The following FSTL3 variants were observed in gnomAD, a reference collection of about 807,000 sequenced individuals.
FSTL3 encodes follistatin like 3.
Under a neutral mutation model 28.1 loss-of-function variants are expected in FSTL3, and 21 were observed. The observed-to-expected ratio is 0.75, with a 90% CI of 0.53 to 1.08. The LOEUF is 1.08. FSTL3 is among the 50% of genes least tolerant of loss of function. The pLI is 0.00. For missense variants in FSTL3, 400 were observed against 380.9 expected, an observed-to-expected ratio of 1.05 and a Z score of -0.42; for synonymous variants, 199 against 164.2, an observed-to-expected ratio of 1.21 and a Z score of -1.62.
intron 2 of FSTL3, among the ~76,000 whole-genome samples, chr19:678,346 C>A (rs1323443944): frequency 6.6e-6 from 1 of 152,186 alleles, no homozygotes; most frequent in East Asian, 1.9e-4. Flanking sequence ...ACTGCAGACT[C>A]CAGGGTCTGC....
rs963150800 is a variant in FSTL3 at position 682,617 on chromosome 19, A to C, written c.*909A>C. 2.1e-5 allele frequency: 5 copies of C among 233,410 alleles called. No individual in the cohort carries two copies. The highest frequency in any genetic ancestry group is 4.2e-5 in the Non-Finnish European group (5 of 118,160). 14.5% of individuals were successfully genotyped at this position (233,410 alleles called of 1,614,324 possible). On this transcript the variant is annotated 3_prime_UTR_variant, in exon 5 of 5. Transcript: ENST00000166139. The stretch of plus-strand genomic sequence containing the variant: ...GAAATGCCCAGTGTGCCCCCTGGGA[A>C]AGGGCACGGCCTGTGCTCCTGACAC...
Position 681,326 on chromosome 19 carries a change from C to G in FSTL3, c.506-7C>G. On this transcript the variant is annotated splice_polypyrimidine_tract_variant and splice_region_variant and intron_variant, in intron 3 of 4. Coordinates refer to ENST00000166139, the MANE Select transcript of FSTL3 (RefSeq NM_005860.3). ...CCCCTGAACTTCCCCTGGCACCCGG[C>G]CTGCAGAGTCCTGTGAGCACGTGGT... The G allele has an allele frequency of 6.5e-7, 1 of 1,545,320 alleles. No individual in the cohort carries two copies. The highest frequency in any genetic ancestry group is 8.7e-7 in the Non-Finnish European group (1 of 1,150,242).
At chr19:678,131 G>A (rs550578063) in intron 2 of FSTL3, 154 bp downstream of exon 2, 78 of 677,758 alleles carry the variant, frequency 1.2e-4, no homozygotes, top group Non-Finnish European at 1.8e-4. Context: ...AGGGACTGGG[G>A]GGACTTCCCG....
At chr19:677,676 T>G in intron 1 of FSTL3, 116 bp from the exon 2 acceptor site, 3 of 1,015,556 alleles carry the variant, frequency 3.0e-6, no homozygotes, top group Middle Eastern at 3.2e-4. Flanking sequence ...TCTTCCTGGG[T>G]GGGGGTAGAT....
At position 681,470 on chromosome 19, in the gene FSTL3, A is replaced by C; in HGVS notation, c.643A>C (p.Asn215His). The change falls in exon 4 of 5, where the codon AAC (asparagine) becomes CAC (histidine). Residue 215 changes from asparagine (N) to histidine (H), a missense_variant. By Grantham distance (68) the Asn-to-His change is moderately conservative. Transcript: ENST00000166139. ...SPGQELCGNN[N>H]VTYISSCHMR... The stretch of plus-strand genomic sequence containing the variant: ...CGGCCAGGAGCTTTGCGGCAACAAC[A>C]ACGTCACCTACATCTCCTCGTGCCA... 1.9e-6 allele frequency: 3 copies of C among 1,601,678 alleles called. No homozygotes were observed. The highest frequency in any genetic ancestry group is 2.5e-6 in the Non-Finnish European group (3 of 1,179,658).
intron 2 of FSTL3, among the ~76,000 whole-genome samples, chr19:678,499 GTT>G (rs746126061): frequency 3.3e-5 from 3 of 91,202 alleles, no homozygotes; most frequent in African/African-American, 1.1e-4. Context: ...GAGGATGATG[GTT>G]TTTTTTTTTT....
intron 2 of FSTL3, among the ~76,000 whole-genome samples, chr19:679,387 C>G (rs554822946): frequency 8.5e-5 from 13 of 152,272 alleles, no homozygotes; most frequent in Admixed American, 4.6e-4. Flanking sequence ...AGTGGGGCTC[C>G]CTCGTCAGCC....
chr19:679,808 C>T (rs2031286498), intron 2 of FSTL3, among the ~76,000 whole-genome samples: 1 of 152,160 alleles, frequency 6.6e-6, no homozygotes, highest in Admixed American at 6.5e-5. Context: ...CCGCCCTCCC[C>T]GACGCCTCCT....
chr19:677,247 A>G (rs1402170533), intron 1 of FSTL3, among the ~76,000 whole-genome samples: 3 of 148,132 alleles, frequency 2.0e-5, no homozygotes, highest in South Asian at 2.2e-4. Context: ...CGCCAAAGGG[A>G]GAGCAGAGCC....
At position 682,442 on chromosome 19, in the gene FSTL3, G is replaced by A. The variant is rs140848095; in HGVS notation, c.*734G>A. 1,183 of 235,208 alleles carry A rather than the reference G, an allele frequency of 5.0e-3. 6 individuals are homozygous for A. The highest frequency in any genetic ancestry group is 0.013 in the Middle Eastern group (10 of 792). 14.6% of individuals were successfully genotyped at this position (235,208 alleles called of 1,614,324 possible). A position where few individuals can be genotyped will look rare whatever the true frequency, so the allele number is the denominator to read the frequency against. On this transcript the variant is annotated 3_prime_UTR_variant, in exon 5 of 5. Coordinates refer to ENST00000166139, the MANE Select transcript of FSTL3 (RefSeq NM_005860.3). Reference sequence around the variant, plus strand: ...TGTACGGAGGGTCTAGTCTGAGTGCGTGTGGGGACCTCAGAACACTGTGAC... The same window carrying A: ...TGTACGGAGGGTCTAGTCTGAGTGCATGTGGGGACCTCAGAACACTGTGAC...
chr19:679,836 G>A (rs1568203049), intron 2 of FSTL3, among the ~76,000 whole-genome samples: 1 of 152,174 alleles, frequency 6.6e-6, no homozygotes, highest in Non-Finnish European at 1.5e-5. Flanking sequence ...GGTCCTGGCA[G>A]CCCCAGACTC....
intron 2 of FSTL3, chr19:678,205 G>A (rs1786166864): frequency 1.8e-6 from 1 of 546,490 alleles, no homozygotes; most frequent in African/African-American, 1.9e-5. Context: ...TCCAGCCTTT[G>A]CTGGGGCTGA....
chr19:676,607 GGGCGC>G (rs1404423439), intron 1 of FSTL3, 81 bp downstream of exon 1: 1 of 449,194 alleles, frequency 2.2e-6, no homozygotes, highest in East Asian at 5.1e-5. Flanking sequence ...GGACGTCGGG[GGGCGC>G]GGCGGCGGCG....
At chr19:683,383 C>CAAAG (rs33916887) in exon 5 of FSTL3, 160,455 of 208,670 alleles carry the variant, frequency 0.77, 62,619 homozygotes, top group African/African-American at 0.83. Context: ...AATAAAGACT[C>CAAAG]AAGCCATTTT....
At chr19:676,721 C>T (rs2031218541) in intron 1 of FSTL3, among the ~76,000 whole-genome samples, 195 bp downstream of exon 1, 1 of 152,148 alleles carries the variant, frequency 6.6e-6, no homozygotes, top group African/African-American at 2.4e-5. Flanking sequence ...ATCACAATGA[C>T]CGCTGACATT....
Position 681,715 on chromosome 19 carries a change from A to C in FSTL3, c.*7A>C. On this transcript the variant is annotated 3_prime_UTR_variant, in exon 5 of 5. Coordinates refer to ENST00000166139, the MANE Select transcript of FSTL3 (RefSeq NM_005860.3). ...GGAAGAGAACTTCGTGTGAGCCTGC[A>C]GGACAGGCCTGGGCCTGGTGCCCGA... 6.4e-7 allele frequency: 1 copy of C among 1,553,458 alleles called. No individual in the cohort carries two copies. The highest frequency in any genetic ancestry group is 8.7e-7 in the Non-Finnish European group (1 of 1,149,216).
At chr19:680,188 G>C in intron 2 of FSTL3, 86 bp from the exon 3 acceptor site, 1 of 813,788 alleles carries the variant, frequency 1.2e-6, no homozygotes, top group Non-Finnish European at 1.7e-6. Flanking sequence ...CAGAAGGGGC[G>C]CAGGGAGGGG....
chr19:676,787 T>C (rs2031220213), intron 1 of FSTL3, among the ~76,000 whole-genome samples: 2 of 152,182 alleles, frequency 1.3e-5, no homozygotes, highest in South Asian at 4.1e-4. Flanking sequence ...ATCCCGATAG[T>C]GCCGGAGCTC....
chr19:681,889 G>T lies in FSTL3; in HGVS notation c.*181G>T. ...AAGGACTGAGGAAGGGAGGCCTGGGGGCCGGCTGGTGGGTGGGATAGACCT... is the reference window on the plus strand; with the variant it reads ...AAGGACTGAGGAAGGGAGGCCTGGGTGCCGGCTGGTGGGTGGGATAGACCT... On this transcript the variant is annotated 3_prime_UTR_variant, in exon 5 of 5. Coordinates refer to ENST00000166139, the MANE Select transcript of FSTL3 (RefSeq NM_005860.3). 3 of 644,054 alleles carry T rather than the reference G, an allele frequency of 4.7e-6. No homozygotes were observed. The highest frequency in any genetic ancestry group is 8.1e-6 in the Non-Finnish European group (3 of 368,356). 39.9% of individuals were successfully genotyped at this position (644,054 alleles called of 1,614,324 possible).
Sources: gnomAD v4.1 joint callset for allele counts (sites outside exome capture counted in the v4.1 genomes callset) on GRCh38, gnomAD v4.1.1 for gene constraint, MANE v1.5 for transcripts, NCBI Gene and HGNC (gene_info 2026-07-23, HGNC 2026-07-21) for gene names.